The following EVC variants were observed in gnomAD, a reference collection of about 807,000 sequenced individuals.
The protein encoded by EVC is EvC ciliary complex subunit 1, also known as evC complex member EVC.
In EVC, 116 loss-of-function variants were observed where a neutral mutation model predicts 118.9. That is an observed-to-expected ratio of 0.98 (90% confidence interval 0.84 to 1.14). The LOEUF is 1.14. EVC is among the 50% of genes most tolerant of loss of function. The probability of loss-of-function intolerance (pLI) is 0.00; values close to 1 mark genes in which losing one functional copy is unlikely to be tolerated. For missense variants in EVC, 1,401 were observed against 1,246.4 expected (o/e 1.12, Z -1.87); for synonymous variants, 619 against 534.7 (o/e 1.16, Z -2.18).
At chr4:5,723,347 A>C (rs1224535451) in intron 2 of EVC, among the ~76,000 whole-genome samples, 2 of 151,524 alleles carry the variant, frequency 1.3e-5, no homozygotes, top group Admixed American at 6.6e-5. Context: ...GCGCCACCAC[A>C]CCCAGCTAAT....
Position 5,746,998 on chromosome 4 carries a change from G to T in EVC, c.940-1150G>T, listed in dbSNP as rs191660414. On this transcript the variant is annotated intron_variant, in intron 7 of 20. Coordinates refer to ENST00000264956, the MANE Select transcript of EVC (RefSeq NM_153717.3). The surrounding 1 kb of genome is among the most constrained non-coding windows in gnomAD (Gnocchi z 5.8). ...GCAGTCACGTGGCAGGTGGAAGGCA[G>T]GTCATCTGATGGCTCCAAGGGGAAG... 9.8e-4 allele frequency among the ~76,000 whole-genome samples: 149 copies of T among 152,220 alleles called. No homozygotes were observed. The highest frequency in any genetic ancestry group is 3.0e-3 in the African/African-American group (124 of 41,546).
At chr4:5,805,694 C>G (rs1353632571) in intron 17 of EVC, among the ~76,000 whole-genome samples, 1 of 152,172 alleles carries the variant, frequency 6.6e-6, no homozygotes, top group Non-Finnish European at 1.5e-5. Flanking sequence ...GGTCCAAGGG[C>G]TTCACTTTGA....
intron 11 of EVC, among the ~76,000 whole-genome samples, chr4:5,782,898 C>T (rs1419556483): frequency 1.3e-5 from 2 of 152,134 alleles, no homozygotes; most frequent in Admixed American, 6.5e-5. Flanking sequence ...GATGGTGACC[C>T]AGGGGAGGCC....
chr4:5,828,502 T>C, the EVC span: 1 of 1,614,092 alleles, frequency 6.2e-7, no homozygotes, highest in South Asian at 1.1e-5. Context: ...ATTCCTGATT[T>C]TGACGCGCTG....
At chr4:5,761,180 G>A (rs1731951084) in intron 11 of EVC, among the ~76,000 whole-genome samples, 1 of 152,022 alleles carries the variant, frequency 6.6e-6, no homozygotes. Flanking sequence ...AAGGCTGGGT[G>A]TGCCGAGGAG....
intron 16 of EVC, among the ~76,000 whole-genome samples, chr4:5,803,153 T>A (rs919115350): frequency 6.6e-6 from 1 of 152,220 alleles, no homozygotes; most frequent in Non-Finnish European, 1.5e-5. Context: ...GGAAGCCAAT[T>A]TCTTAAATGC....
In EVC at chr4:5,719,054, G is replaced by A. The variant is rs1039163178; in HGVS notation, c.175-194G>A. Among the ~76,000 whole-genome samples, 7 of 152,156 alleles carry A rather than the reference G, an allele frequency of 4.6e-5. No individual in the cohort carries two copies. The highest frequency in any genetic ancestry group is 8.8e-5 in the Non-Finnish European group (6 of 68,038). On this transcript the variant is annotated intron_variant, in intron 1 of 20. Coordinates refer to ENST00000264956, the MANE Select transcript of EVC (RefSeq NM_153717.3). The surrounding 1 kb of genome is among the most constrained non-coding windows in gnomAD (Gnocchi z 4.7). ...TCAGGAAGGTGACCTGTGCAGTCTTGAAGGACATGTAGCGGACCCCACGTG... is the reference window on the plus strand; with the variant it reads ...TCAGGAAGGTGACCTGTGCAGTCTTAAAGGACATGTAGCGGACCCCACGTG...
At chr4:5,759,267 T>C (rs1175013277) in intron 11 of EVC, among the ~76,000 whole-genome samples, 2 of 74,854 alleles carry the variant, frequency 2.7e-5, no homozygotes, top group Non-Finnish European at 5.1e-5. Context: ...CTACTGCAGA[T>C]AACTGCTTGA....
the EVC span, among the ~76,000 whole-genome samples, chr4:5,823,006 A>G: frequency 4.6e-5 from 7 of 152,194 alleles, no homozygotes; most frequent in African/African-American, 1.7e-4. Flanking sequence ...TTTCTAATAC[A>G]TCTGACTTTC....
chr4:5,813,568 G>A lies in EVC; in HGVS notation c.*2531G>A, dbSNP rs1717240124. 6.6e-6 allele frequency: 1 copy of A among 152,130 alleles called. No individual in the cohort carries two copies. Among genetic ancestry groups the A allele is most frequent in the Admixed American group, 6.5e-5 (1 of 15,276 alleles). 9.4% of individuals were successfully genotyped at this position (152,130 alleles called of 1,614,324 possible). ...ACAGAGTCCGATGGCTCCTCCCGGG[G>A]AAGCCTGATTTTGTGACGTGTGTAT... On this transcript the variant is annotated 3_prime_UTR_variant, in exon 21 of 21. Coordinates refer to ENST00000264956, the MANE Select transcript of EVC (RefSeq NM_153717.3).
chr4:5,747,082 G>A (rs1330944479), intron 7 of EVC, among the ~76,000 whole-genome samples: 2 of 152,104 alleles, frequency 1.3e-5, no homozygotes, highest in Non-Finnish European at 2.9e-5. Context: ...GCAGGGATGA[G>A]AGGAGGAGCA....
At chr4:5,801,889 G>C (rs1715058089) in intron 15 of EVC, 61 bp from the exon 16 acceptor site, 1 of 1,572,284 alleles carries the variant, frequency 6.4e-7, no homozygotes, top group Non-Finnish European at 8.7e-7. Context: ...GACTGGATGG[G>C]CCGTGGGTGG....
At chr4:5,786,389 T>C (rs1292630137) in intron 12 of EVC, among the ~76,000 whole-genome samples, 1 of 152,212 alleles carries the variant, frequency 6.6e-6, no homozygotes, top group African/African-American at 2.4e-5. Context: ...ATGTTTTATT[T>C]GTTTACTTTG....
At chr4:5,819,902 T>C in the EVC span, among the ~76,000 whole-genome samples, 1 of 152,166 alleles carries the variant, frequency 6.6e-6, no homozygotes, top group African/African-American at 2.4e-5. Flanking sequence ...GACAAAGGTA[T>C]CCACACGAAG....
At chr4:5,771,459 A>T (rs1733942788) in intron 11 of EVC, among the ~76,000 whole-genome samples, 1 of 152,124 alleles carries the variant, frequency 6.6e-6, no homozygotes, top group Admixed American at 6.5e-5. Flanking sequence ...TTTCCATCTC[A>T]GGATCCTTAA....
intron 5 of EVC, among the ~76,000 whole-genome samples, chr4:5,740,574 G>A (rs1728388123): frequency 6.6e-6 from 1 of 151,724 alleles, no homozygotes; most frequent in South Asian, 2.1e-4. Context: ...ATGACACACA[G>A]AAGGAAAAAT....
At chr4:5,769,815 C>G (rs561861113) in intron 11 of EVC, among the ~76,000 whole-genome samples, 3 of 152,304 alleles carry the variant, frequency 2.0e-5, no homozygotes, top group African/African-American at 7.2e-5. Flanking sequence ...AGAGAAAACA[C>G]TGGACTCTGT....
chr4:5,737,932 A>G lies in EVC; in HGVS notation c.703-3784A>G, dbSNP rs563702943. Among the ~76,000 whole-genome samples, 128 of 152,366 alleles carry G rather than the reference A, an allele frequency of 8.4e-4. No homozygotes were observed. Among genetic ancestry groups the G allele is most frequent in the South Asian group, 2.7e-3 (13 of 4,828 alleles). ...TTTCCTAAGGCTCTAACTGCCATAC[A>G]TAGTGATTCCTCTGAAGGATTTGAA... is the stretch of plus-strand genomic sequence containing the variant. On this transcript the variant is annotated intron_variant, in intron 5 of 20. Transcript: ENST00000264956. The surrounding 1 kb of genome is among the most constrained non-coding windows in gnomAD (Gnocchi z 5.0).
intron 11 of EVC, chr4:5,757,984 T>C: frequency 1.5e-6 from 1 of 668,700 alleles, no homozygotes; most frequent in Non-Finnish European, 2.7e-6. Context: ...CACTTGGAAA[T>C]AAGGGCTTTG....
Sources: gnomAD v4.1 joint callset for allele counts (sites outside exome capture counted in the v4.1 genomes callset) on GRCh38, gnomAD v4.1.1 for gene constraint, Gnocchi (gnomAD v3.1) non-coding constraint, MANE v1.5 for transcripts, NCBI Gene and HGNC (gene_info 2026-07-23, HGNC 2026-07-21) for gene names.